Variants in NLGN1 observed in about 807,000 individuals in gnomAD.
NLGN1 encodes neuroligin 1, also known as neuroligin-1.
NLGN1 carries 12 observed loss-of-function variants against 65.5 expected under a neutral mutation model. The ratio of observed to expected loss-of-function variants is 0.18; its 90% CI spans 0.12 to 0.30. NLGN1 has a LOEUF of 0.30. Among genes scored for constraint, NLGN1 ranks in the 10% least tolerant of loss-of-function variants. NLGN1 has a pLI of 1.00. For missense variants in NLGN1, 750 were observed against 1,007.1 expected, an observed-to-expected ratio of 0.74 and a Z score of 3.46; for synonymous variants, 350 against 359.5, an observed-to-expected ratio of 0.97 and a Z score of 0.30.
chr3:173,730,529 A>G (rs1351342999), intron 3 of NLGN1, among the ~76,000 whole-genome samples: 11 of 151,832 alleles, frequency 7.2e-5, no homozygotes, highest in African/African-American at 2.4e-4. Context: ...TTGAAATTTC[A>G]GTGGTATTTT....
chr3:173,657,380 A>G (rs967787296), intron 3 of NLGN1, among the ~76,000 whole-genome samples: 1 of 151,938 alleles, frequency 6.6e-6, no homozygotes, highest in African/African-American at 2.4e-5. Flanking sequence ...CTAGGAATCA[A>G]CTTTCTTAGC....
chr3:173,857,497 C>T (rs1346020071), intron 4 of NLGN1, among the ~76,000 whole-genome samples: 1 of 151,924 alleles, frequency 6.6e-6, no homozygotes, highest in Non-Finnish European at 1.5e-5. Context: ...TGTTTTTCTG[C>T]TTCTCCCACC....
At chr3:173,926,765 C>T (rs1047774035) in intron 4 of NLGN1, among the ~76,000 whole-genome samples, 3 of 152,148 alleles carry the variant, frequency 2.0e-5, no homozygotes, top group Non-Finnish European at 2.9e-5. Context: ...ACTCTGTTTG[C>T]GAGTGGGTGG....
chr3:173,838,236 A>T (rs1473454431), intron 4 of NLGN1, among the ~76,000 whole-genome samples: 1 of 151,640 alleles, frequency 6.6e-6, no homozygotes, highest in Non-Finnish European at 1.5e-5. Context: ...AAAAGGTTTT[A>T]TAATCTACTG....
intron 4 of NLGN1, among the ~76,000 whole-genome samples, chr3:173,940,020 C>T (rs1220472497): frequency 2.1e-5 from 3 of 143,708 alleles, no homozygotes; most frequent in Non-Finnish European, 4.5e-5. Flanking sequence ...TAGAAACAAA[C>T]TAAAACCTTG....
chr3:174,156,821 G>T (rs1402789658), intron 4 of NLGN1, among the ~76,000 whole-genome samples: 2 of 151,524 alleles, frequency 1.3e-5, no homozygotes, highest in Non-Finnish European at 3.0e-5. Flanking sequence ...GCAAAGCTAC[G>T]TGGCAAGTTA....
chr3:173,797,681 AAAC>A lies in NLGN1; in HGVS notation c.494-9981_494-9979del, dbSNP rs199885807. Among the ~76,000 whole-genome samples, 682 of 70,736 alleles carry A rather than the reference AAAC, an allele frequency of 9.6e-3. 7 individuals are homozygous for A. The highest frequency in any genetic ancestry group is 0.029 in the African/African-American group (650 of 22,160). 46.4% of individuals were successfully genotyped at this position (70,736 alleles called of 152,430 possible). A position where few individuals can be genotyped will look rare whatever the true frequency, so the allele number is the denominator to read the frequency against. ...CTAATGTAGCAAAAAACAAAAAATA[AAAC>A]AACAACAACAACAACAAAAAAAAAC... On this transcript the variant is annotated intron_variant, in intron 3 of 6. Coordinates refer to ENST00000457714, the Ensembl canonical transcript of NLGN1.
Position 173,880,575 on chromosome 3 carries a change from A to T in NLGN1, c.646+72743A>T, listed in dbSNP as rs939599262. Among the ~76,000 whole-genome samples, 6 of 150,922 alleles carry T rather than the reference A, an allele frequency of 4.0e-5. No homozygotes were observed. The South Asian group carries it at 6.2e-4, about 16-fold the overall frequency. On this transcript the variant is annotated intron_variant, in intron 4 of 6. Transcript: ENST00000457714. ...GGTGTACAATATAAGTATGTTTAAA[A>T]ATATATATATATTAATTTAAAAATA... is the stretch of plus-strand genomic sequence containing the variant.
In NLGN1 at chr3:174,002,145, T is replaced by C. The variant is rs1286598208; in HGVS notation, c.646+194313T>C. On this transcript the variant is annotated intron_variant, in intron 4 of 6. Coordinates refer to ENST00000457714, the Ensembl canonical transcript of NLGN1. ...GTTGAAATCAGTATTTTTTTAATTTTGAGATGGAGTCTTGCTCTGTTGCCC... is the reference window on the plus strand; with the variant it reads ...GTTGAAATCAGTATTTTTTTAATTTCGAGATGGAGTCTTGCTCTGTTGCCC... 1.3e-5 allele frequency among the ~76,000 whole-genome samples: 2 copies of C among 152,064 alleles called. 1 individual carries two copies. The highest frequency in any genetic ancestry group is 3.9e-4 in the East Asian group (2 of 5,166).
intron 4 of NLGN1, among the ~76,000 whole-genome samples, chr3:173,832,016 G>A (rs1722683294): frequency 6.6e-6 from 1 of 150,984 alleles, no homozygotes; most frequent in Non-Finnish European, 1.5e-5. Flanking sequence ...GCTGTGTGAT[G>A]GTGCAATTAT....
intron 2 of NLGN1, among the ~76,000 whole-genome samples, chr3:173,445,859 C>A (rs896930525): frequency 1.3e-5 from 2 of 152,118 alleles, no homozygotes; most frequent in East Asian, 3.9e-4. Context: ...CTTAGCAGAA[C>A]CTGGCAATAT....
chr3:173,860,090 A>G (rs1479201041), intron 4 of NLGN1, among the ~76,000 whole-genome samples: 3 of 151,474 alleles, frequency 2.0e-5, no homozygotes, highest in African/African-American at 7.3e-5. Context: ...TATCTTTCTT[A>G]TTCTTCCTTT....
chr3:174,076,504 C>A (rs1036856550), intron 4 of NLGN1, among the ~76,000 whole-genome samples: 1 of 152,112 alleles, frequency 6.6e-6, no homozygotes, highest in African/African-American at 2.4e-5. Flanking sequence ...GCCCAGACAG[C>A]GTTCCTCTGT....
At chr3:173,474,137 C>G (rs193215886) in intron 2 of NLGN1, among the ~76,000 whole-genome samples, 209 of 152,174 alleles carry the variant, frequency 1.4e-3, no homozygotes, top group African/African-American at 4.8e-3. Flanking sequence ...CCCCCTCCTC[C>G]TTTTCCTTTT....
At chr3:173,925,415 ATATAC>A (rs1742821138) in intron 4 of NLGN1, among the ~76,000 whole-genome samples, 1 of 152,180 alleles carries the variant, frequency 6.6e-6, no homozygotes, top group African/African-American at 2.4e-5. Context: ...TAAGAGAAGA[ATATAC>A]CACTGCAGCT....
chr3:173,601,763 C>G (rs1419610529), intron 2 of NLGN1, among the ~76,000 whole-genome samples: 1 of 151,726 alleles, frequency 6.6e-6, no homozygotes, highest in African/African-American at 2.4e-5. Context: ...TAAGAGAAAC[C>G]TATCACTACA....
intron 4 of NLGN1, among the ~76,000 whole-genome samples, chr3:173,892,540 A>C (rs1013877122): frequency 1.3e-5 from 2 of 151,062 alleles, no homozygotes; most frequent in East Asian, 3.9e-4. Context: ...AATATGTGTC[A>C]GCATCATATT....
intron 2 of NLGN1, among the ~76,000 whole-genome samples, chr3:173,567,786 G>A (rs184611272): frequency 1.4e-3 from 207 of 152,020 alleles, no homozygotes; most frequent in Non-Finnish European, 2.1e-3. Flanking sequence ...TGAATTTCTA[G>A]AGGAAGGATA....
intron 1 of NLGN1, among the ~76,000 whole-genome samples, chr3:173,402,928 C>T (rs1199762127): frequency 1.3e-5 from 2 of 152,092 alleles, no homozygotes; most frequent in Non-Finnish European, 2.9e-5. Context: ...TTGGCTGCTT[C>T]ACACAAAAAA....
Sources: gnomAD v4.1 joint callset for allele counts (sites outside exome capture counted in the v4.1 genomes callset) on GRCh38, gnomAD v4.1.1 for gene constraint, MANE v1.5 for transcripts, NCBI Gene and HGNC (gene_info 2026-07-23, HGNC 2026-07-21) for gene names.